SLC35E3: variants seen among roughly 807,000 people sequenced by gnomAD.
SLC35E3 encodes the protein solute carrier family 35 member E3, also known as bladder cancer-overexpressed gene 1 protein.
A neutral mutation model predicts 30.8 loss-of-function variants in SLC35E3; 28 were observed. The ratio of observed to expected loss-of-function variants is 0.91; its 90% CI spans 0.67 to 1.25. The LOEUF is 1.25. SLC35E3 is among the 50% of genes most tolerant of loss of function. SLC35E3 has a pLI of 0.00. For missense variants in SLC35E3, 365 were observed against 375.4 expected, an observed-to-expected ratio of 0.97 and a Z score of 0.23; for synonymous variants, 146 against 149.2, an observed-to-expected ratio of 0.98 and a Z score of 0.16.
rs1407459216 is a variant in SLC35E3 at position 68,769,672 on chromosome 12, TAAAAGAA to T, written c.*4784_*4790del. ...AAAACTGTCTCAAATAAATAAATAA[TAAAAGAA>T]AGGAGACCGGATTTATTAGATGTGG... On this transcript the variant is annotated 3_prime_UTR_variant, in exon 5 of 5. Transcript: ENST00000398004. 6.6e-6 allele frequency: 1 copy of T among 151,392 alleles called. No homozygotes were observed. The highest frequency in any genetic ancestry group is 1.5e-5 in the Non-Finnish European group (1 of 67,616). 9.4% of individuals were successfully genotyped at this position (151,392 alleles called of 1,614,324 possible). A position where few individuals can be genotyped will look rare whatever the true frequency, so the allele number is the denominator to read the frequency against.
chr12:68,746,468 C>A lies in SLC35E3; in HGVS notation c.91C>A (p.Leu31Ile). Residue 31 changes from leucine to isoleucine, a missense_variant, in exon 1 of 5, where the codon CTC (leucine) becomes ATC (isoleucine). By Grantham distance (5) the Leu-to-Ile change is conservative. Transcript: ENST00000398004. ...GCTGGTGTCCATCTGCATTGTGTTC[C>A]TCAACAAATGGATTTATGTGTACCA... ...NLLVSICIVFLNKWIYVYHGF... is the reference protein window; with the variant it reads ...NLLVSICIVFINKWIYVYHGF... 1 of 1,614,238 alleles carries A rather than the reference C, an allele frequency of 6.2e-7. No homozygotes were observed. The highest frequency in any genetic ancestry group is 8.5e-7 in the Non-Finnish European group (1 of 1,180,038).
intron 3 of SLC35E3, among the ~76,000 whole-genome samples, chr12:68,757,766 T>A (rs1291712316): frequency 6.6e-6 from 1 of 152,174 alleles, no homozygotes; most frequent in South Asian, 2.1e-4. Context: ...TTTGTAGATA[T>A]CCAATGAATG....
rs1213088117 is a variant in SLC35E3 at position 68,775,006 on chromosome 12, C to T, written c.*10116C>T. 6.6e-6 allele frequency: 1 copy of T among 151,564 alleles called. No individual in the cohort carries two copies. The highest frequency in any genetic ancestry group is 6.6e-5 in the Admixed American group (1 of 15,188). 9.4% of individuals were successfully genotyped at this position (151,564 alleles called of 1,614,324 possible). On this transcript the variant is annotated 3_prime_UTR_variant, in exon 5 of 5. Transcript: ENST00000398004. ...GAAAAGTAAACCCCTATTTGGCTTA[C>T]TCACTTAAAAAAATAATAATAATTA...
Position 68,772,291 on chromosome 12 carries a change from G to A in SLC35E3, c.*7401G>A, listed in dbSNP as rs949802769. ...GACCTCAGGTACTCCGCCCACCTCA[G>A]CCTCCCAAAGTGCTGGGATTACAGG... On this transcript the variant is annotated 3_prime_UTR_variant, in exon 5 of 5. Transcript: ENST00000398004. 10 of 152,078 alleles carry A rather than the reference G, an allele frequency of 6.6e-5. No homozygotes were observed. Among genetic ancestry groups the A allele is most frequent in the Admixed American group, 2.0e-4 (3 of 15,260 alleles). 9.4% of individuals were successfully genotyped at this position (152,078 alleles called of 1,614,324 possible).
At chr12:68,747,260 CTTTTTCTTTTTTTTT>C (rs1268648990) in intron 1 of SLC35E3, among the ~76,000 whole-genome samples, 2 of 140,766 alleles carry the variant, frequency 1.4e-5, no homozygotes, top group East Asian at 4.2e-4. Context: ...TATTTAAGGT[CTTTTTCTTTTTTTTT>C]TTTTTCTTTT....
chr12:68,777,977 G>A lies in SLC35E3; in HGVS notation c.*13087G>A, dbSNP rs1376169895. 1 of 152,106 alleles carries A rather than the reference G, an allele frequency of 6.6e-6. No individual in the cohort carries two copies. The highest frequency in any genetic ancestry group is 2.4e-5 in the African/African-American group (1 of 41,398). The allele number at this position is 152,106 out of a possible 1,614,324, so 9.4% of individuals were successfully genotyped here. A position where few individuals can be genotyped will look rare whatever the true frequency, so the allele number is the denominator to read the frequency against. ...TATAAAAAGTACAAAAATTAGCCAG[G>A]TATGGTGGTATGTGCCTGTGATCCC... is the stretch of plus-strand genomic sequence containing the variant. On this transcript the variant is annotated 3_prime_UTR_variant, in exon 5 of 5. Coordinates refer to ENST00000398004, the MANE Select transcript of SLC35E3 (RefSeq NM_018656.5).
In SLC35E3 at chr12:68,764,704, C is replaced by T. The variant is rs1879324612; in HGVS notation, c.756C>T (p.Thr252=). 9 of 1,613,216 alleles carry T rather than the reference C, an allele frequency of 5.6e-6. No homozygotes were observed. Among genetic ancestry groups the T allele is most frequent in the Non-Finnish European group, 7.6e-6 (9 of 1,179,454 alleles). ...YWIIGNTSPV[T]YNMFGHFKFC... Reference sequence around the variant, plus strand: ...TTTTATCCTTATCCAAAAACCTCAGCTATAACATGTTCGGACACTTCAAGT... The same window carrying T: ...TTTTATCCTTATCCAAAAACCTCAGTTATAACATGTTCGGACACTTCAAGT... The change falls in exon 5 of 5, where the codon ACC becomes ACT. Residue 252 remains threonine, a splice_region_variant and synonymous_variant. Coordinates refer to ENST00000398004, the MANE Select transcript of SLC35E3 (RefSeq NM_018656.5).
At chr12:68,747,832 T>C (rs555969910) in intron 1 of SLC35E3, 98 bp from the exon 2 acceptor site, 3 of 625,770 alleles carry the variant, frequency 4.8e-6, no homozygotes, top group East Asian at 5.3e-5. Flanking sequence ...TTCCCAGTTA[T>C]GTGTTTATCA....
Position 68,772,059 on chromosome 12 carries a change from G to C in SLC35E3, c.*7169G>C, listed in dbSNP as rs887037128. ...TTAATTTTTATTTTTTATTTTTTGA[G>C]ACAGAGTTTCCTCTGTCTCCCAGGC... On this transcript the variant is annotated 3_prime_UTR_variant, in exon 5 of 5. Transcript: ENST00000398004. 2.7e-5 allele frequency: 4 copies of C among 150,858 alleles called. No individual in the cohort carries two copies. Among genetic ancestry groups the C allele is most frequent in the Non-Finnish European group, 5.9e-5 (4 of 67,810 alleles). The allele number at this position is 150,858 out of a possible 1,614,324, so 9.3% of individuals were successfully genotyped here. A position where few individuals can be genotyped will look rare whatever the true frequency, so the allele number is the denominator to read the frequency against.
intron 2 of SLC35E3, among the ~76,000 whole-genome samples, chr12:68,748,432 A>T (rs1878676224): frequency 6.6e-6 from 1 of 152,102 alleles, no homozygotes; most frequent in African/African-American, 2.4e-5. Context: ...GTAATGAAAA[A>T]TTTCAGATTT....
chr12:68,759,916 CAA>C (rs1330784770), intron 4 of SLC35E3: 1 of 152,140 alleles, frequency 6.6e-6, no homozygotes. Flanking sequence ...TTTCTAGTAA[CAA>C]AGTAGAGGAA....
intron 4 of SLC35E3, among the ~76,000 whole-genome samples, chr12:68,759,858 G>A (rs1565716397): frequency 6.6e-6 from 1 of 152,094 alleles, no homozygotes; most frequent in African/African-American, 2.4e-5. Context: ...AATATTTTTT[G>A]AATGAATAGT....
Position 68,779,945 on chromosome 12 carries a change from A to C in SLC35E3, c.*15055A>C, listed in dbSNP as rs1879839643. 1 of 152,088 alleles carries C rather than the reference A, an allele frequency of 6.6e-6. No homozygotes were observed. The highest frequency in any genetic ancestry group is 1.5e-5 in the Non-Finnish European group (1 of 68,048). 9.4% of individuals were successfully genotyped at this position (152,088 alleles called of 1,614,324 possible). A position where few individuals can be genotyped will look rare whatever the true frequency, so the allele number is the denominator to read the frequency against. ...AAGTGAGACCCTGACTCTAAAAGTA[A>C]AATTAAATTAAATTAAAAATAAGTG... On this transcript the variant is annotated 3_prime_UTR_variant, in exon 5 of 5. Coordinates refer to ENST00000398004, the MANE Select transcript of SLC35E3 (RefSeq NM_018656.5).
rs548772433 is a variant in SLC35E3, at chr12:68,767,339, C to G, written c.*2449C>G. On this transcript the variant is annotated 3_prime_UTR_variant, in exon 5 of 5. Coordinates refer to ENST00000398004, the MANE Select transcript of SLC35E3 (RefSeq NM_018656.5). ...ACAAAGACCAGCCCGGGCAACATGG[C>G]AAAACCCTGTCTGCAAAAAATACAA... 13 of 152,054 alleles carry G rather than the reference C, an allele frequency of 8.5e-5. No individual in the cohort carries two copies. Among genetic ancestry groups the G allele is most frequent in the African/African-American group, 3.1e-4 (13 of 41,494 alleles). 9.4% of individuals were successfully genotyped at this position (152,054 alleles called of 1,614,324 possible).
intron 4 of SLC35E3, among the ~76,000 whole-genome samples, chr12:68,763,810 G>C (rs1475027156): frequency 2.0e-5 from 3 of 152,146 alleles, no homozygotes; most frequent in Non-Finnish European, 4.4e-5. Context: ...ATTAGAACGT[G>C]GGCTTTCAAG....
rs1471041689 is a variant in SLC35E3, at chr12:68,773,153, A to G, written c.*8263A>G. 1 of 152,446 alleles carries G rather than the reference A, an allele frequency of 6.6e-6. No individual in the cohort carries two copies. 9.4% of individuals were successfully genotyped at this position (152,446 alleles called of 1,614,324 possible). On this transcript the variant is annotated 3_prime_UTR_variant, in exon 5 of 5. Transcript: ENST00000398004. ...TCTGCCATAACATCTTTTGCCACCTATAGCTACAATAAAGTGTCGTCTTGG... is the reference window on the plus strand; with the variant it reads ...TCTGCCATAACATCTTTTGCCACCTGTAGCTACAATAAAGTGTCGTCTTGG...
rs1004850848 is a variant in SLC35E3 at position 68,766,844 on chromosome 12, C to G, written c.*1954C>G. On this transcript the variant is annotated 3_prime_UTR_variant, in exon 5 of 5. Coordinates refer to ENST00000398004, the MANE Select transcript of SLC35E3 (RefSeq NM_018656.5). Reference sequence around the variant, plus strand: ...AAGCCATCTGTCTGCCTCAGCCTCTCGAAGTGCTGGGATTACAGGCCTGAG... The same window carrying G: ...AAGCCATCTGTCTGCCTCAGCCTCTGGAAGTGCTGGGATTACAGGCCTGAG... 1.1e-5 allele frequency: 5 copies of G among 437,598 alleles called. No individual in the cohort carries two copies. Among genetic ancestry groups the G allele is most frequent in the African/African-American group, 2.0e-5 (1 of 49,464 alleles). The allele number at this position is 437,598 out of a possible 1,614,324, so 27.1% of individuals were successfully genotyped here.
In SLC35E3 at chr12:68,769,047, G is replaced by C. The variant is rs1879532339; in HGVS notation, c.*4157G>C. ...ACCTGAGGTCAGGAGTTCAAGACCA[G>C]CCTGGCCAATATGGTGAAACCTTGT... On this transcript the variant is annotated 3_prime_UTR_variant, in exon 5 of 5. Coordinates refer to ENST00000398004, the MANE Select transcript of SLC35E3 (RefSeq NM_018656.5). 1 of 151,996 alleles carries C rather than the reference G, an allele frequency of 6.6e-6. No individual in the cohort carries two copies. Among genetic ancestry groups the C allele is most frequent in the African/African-American group, 2.4e-5 (1 of 41,366 alleles). 9.4% of individuals were successfully genotyped at this position (151,996 alleles called of 1,614,324 possible).
rs374568291 is a variant in SLC35E3 at position 68,764,959 on chromosome 12, TA to T, written c.*81del. The stretch of plus-strand genomic sequence containing the variant: ...AAATATTGTTAAGTGTGCAAGTTAT[TA>T]AAAAAAAAAAATTGGGCCAGGCACG... On this transcript the variant is annotated 3_prime_UTR_variant, in exon 5 of 5. Coordinates refer to ENST00000398004, the MANE Select transcript of SLC35E3 (RefSeq NM_018656.5). 66,099 of 1,068,928 alleles carry T rather than the reference TA, an allele frequency of 0.062. No individual in the cohort carries two copies. Among genetic ancestry groups the T allele is most frequent in the South Asian group, 0.088 (4,576 of 51,714 alleles). 66.2% of individuals were successfully genotyped at this position (1,068,928 alleles called of 1,614,324 possible). A position where few individuals can be genotyped will look rare whatever the true frequency, so the allele number is the denominator to read the frequency against.
Sources: gnomAD v4.1 joint callset for allele counts (sites outside exome capture counted in the v4.1 genomes callset) on GRCh38, gnomAD v4.1.1 for gene constraint, MANE v1.5 for transcripts, NCBI Gene and HGNC (gene_info 2026-07-23, HGNC 2026-07-21) for gene names.